LRRTM3: variants seen among roughly 807,000 people sequenced by gnomAD.
LRRTM3 encodes the protein leucine-rich repeat transmembrane neuronal protein 3.
LRRTM3 carries 24 observed loss-of-function variants against 44.7 expected under a neutral mutation model. That is an observed-to-expected ratio of 0.54 (90% CI 0.39 to 0.76). LRRTM3 has a LOEUF of 0.76. Among genes scored for constraint, LRRTM3 ranks in the 30% least tolerant of loss-of-function variants. The pLI is 0.00. For missense variants in LRRTM3, 587 were observed against 702.2 expected (o/e 0.84, Z 1.85); for synonymous variants, 277 against 278.7 (o/e 0.99, Z 0.06).
intron 2 of LRRTM3, among the ~76,000 whole-genome samples, chr10:67,091,275 T>C (rs1857615817): frequency 6.6e-6 from 1 of 151,998 alleles, no homozygotes; most frequent in Non-Finnish European, 1.5e-5. Context: ...TCATCAAGTG[T>C]ATTTTTTAGA....
At chr10:66,978,709 G>GT (rs1171293953) in intron 2 of LRRTM3, among the ~76,000 whole-genome samples, 1 of 149,794 alleles carries the variant, frequency 6.7e-6, no homozygotes, top group African/African-American at 2.4e-5. Context: ...TAAAGTTCCA[G>GT]TGAATAAATA....
intron 2 of LRRTM3, among the ~76,000 whole-genome samples, chr10:67,054,047 T>C (rs1855277390): frequency 6.6e-6 from 1 of 152,164 alleles, no homozygotes; most frequent in South Asian, 2.1e-4. Context: ...ATTCTGTCCA[T>C]CTTTGCAGAT....
chr10:66,998,385 C>T (rs1419543873), intron 2 of LRRTM3, among the ~76,000 whole-genome samples: 1 of 152,006 alleles, frequency 6.6e-6, no homozygotes, highest in East Asian at 1.9e-4. Context: ...AAAAGCATAG[C>T]ACAAAATAAA....
intron 2 of LRRTM3, among the ~76,000 whole-genome samples, chr10:67,008,018 A>G (rs909451826): frequency 6.6e-6 from 1 of 152,050 alleles, no homozygotes; most frequent in Non-Finnish European, 1.5e-5. Context: ...AATTAATCAC[A>G]GTATAAGAAC....
chr10:66,927,939 CA>C lies in LRRTM3; in HGVS notation c.1024del (p.Ser342ValfsTer8). ...TAAGGGAGAATACAATTATCTGTGC[CA>C]GTCCCAAAGAGCTGCAAGGAGTAAA... ...GLRENTIICA[S>X]PKELQGVNVI... On this transcript the variant is annotated frameshift_variant, in exon 2 of 3. Coordinates refer to ENST00000361320, the MANE Select transcript of LRRTM3 (RefSeq NM_178011.5). LOFTEE classifies it high-confidence loss of function. This position sits in a 1 kb window ranked among gnomAD's most constrained non-coding sequence, Gnocchi z 4.7. The C allele has an allele frequency of 6.2e-7, 1 of 1,614,192 alleles. No homozygotes were observed. The highest frequency in any genetic ancestry group is 2.2e-5 in the East Asian group (1 of 44,882).
chr10:66,927,042 C>A lies in LRRTM3; in HGVS notation c.126C>A (p.Gly42=). ...GCCCTAAGGGCTGTAGGTGTGAAGGCAAAATGGTATATTGTGAATCTCAGA... is the reference window on the plus strand; with the variant it reads ...GCCCTAAGGGCTGTAGGTGTGAAGGAAAAATGGTATATTGTGAATCTCAGA... The part of the protein sequence containing the change: ...RGCPKGCRCE[G]KMVYCESQKL... The change falls in exon 2 of 3, where the codon GGC becomes GGA. Residue 42 remains glycine (G), a synonymous_variant. Transcript: ENST00000361320. The surrounding 1 kb of genome is among the most constrained non-coding windows in gnomAD (Gnocchi z 4.7). 2 of 1,614,102 alleles carry A rather than the reference C, an allele frequency of 1.2e-6. No homozygotes were observed. The highest frequency in any genetic ancestry group is 2.2e-5 in the East Asian group (1 of 44,866).
intron 2 of LRRTM3, among the ~76,000 whole-genome samples, chr10:67,074,163 G>T (rs1430810663): frequency 1.3e-5 from 2 of 149,172 alleles, no homozygotes; most frequent in Admixed American, 1.4e-4. Context: ...CTCCCAAGTA[G>T]CTGGGACTAT....
intron 2 of LRRTM3, among the ~76,000 whole-genome samples, chr10:67,071,817 T>C (rs1856483539): frequency 1.3e-5 from 2 of 152,210 alleles, no homozygotes; most frequent in African/African-American, 4.8e-5. Flanking sequence ...CTTTCTATGC[T>C]TTGAGTATTT....
At chr10:67,084,079 A>C (rs4746656) in intron 2 of LRRTM3, among the ~76,000 whole-genome samples, 94,384 of 151,922 alleles carry the variant, frequency 0.62, 30,506 homozygotes, top group African/African-American at 0.81. Flanking sequence ...GTGTTTCCTT[A>C]TAAACAAGCA....
chr10:66,952,971 A>G (rs1456200286), intron 2 of LRRTM3, among the ~76,000 whole-genome samples: 28 of 152,064 alleles, frequency 1.8e-4, no homozygotes, highest in Admixed American at 1.8e-3. Flanking sequence ...GAAGACCTCC[A>G]AGTAGTTTTC....
intron 2 of LRRTM3, among the ~76,000 whole-genome samples, chr10:67,025,688 A>G (rs1853327052): frequency 6.6e-6 from 1 of 152,134 alleles, no homozygotes; most frequent in Non-Finnish European, 1.5e-5. Context: ...ATCATTACAC[A>G]ACAACAACAA....
At chr10:66,972,270 T>C (rs1298821911) in intron 2 of LRRTM3, among the ~76,000 whole-genome samples, 2 of 152,198 alleles carry the variant, frequency 1.3e-5, no homozygotes, top group African/African-American at 4.8e-5. Context: ...TTCAACTCCT[T>C]TACCCACATG....
chr10:67,024,113 T>C (rs180744855), intron 2 of LRRTM3, among the ~76,000 whole-genome samples: 191 of 152,318 alleles, frequency 1.3e-3, no homozygotes, highest in Middle Eastern at 0.01. Flanking sequence ...AGCAGGACTG[T>C]GTTCCCTCCA....
intron 2 of LRRTM3, among the ~76,000 whole-genome samples, chr10:66,946,493 G>T (rs1361580049): frequency 6.6e-6 from 1 of 152,080 alleles, no homozygotes; most frequent in East Asian, 1.9e-4. Flanking sequence ...CACAGATCAA[G>T]AAACAGAACA....
chr10:67,015,931 G>GA (rs1852628201), intron 2 of LRRTM3, among the ~76,000 whole-genome samples: 1 of 151,854 alleles, frequency 6.6e-6, no homozygotes, highest in Non-Finnish European at 1.5e-5. Context: ...TATTTGTGTT[G>GA]CTTCCAGTGT....
At chr10:67,089,256 A>G (rs957594806) in intron 2 of LRRTM3, among the ~76,000 whole-genome samples, 5 of 152,080 alleles carry the variant, frequency 3.3e-5, no homozygotes, top group African/African-American at 1.2e-4. Context: ...AAAATTAAGT[A>G]CCAGGGCCTG....
intron 2 of LRRTM3, among the ~76,000 whole-genome samples, chr10:66,955,519 T>C (rs900562584): frequency 6.6e-6 from 1 of 152,174 alleles, no homozygotes; most frequent in Admixed American, 6.6e-5. Context: ...CAGGCACTTA[T>C]CTGTTTGGCT....
chr10:67,035,058 T>C (rs1045184050), intron 2 of LRRTM3, among the ~76,000 whole-genome samples: 2 of 152,240 alleles, frequency 1.3e-5, no homozygotes, highest in South Asian at 2.1e-4. Flanking sequence ...CTGTATTTTA[T>C]GAATACTGAT....
intron 2 of LRRTM3, among the ~76,000 whole-genome samples, chr10:67,080,909 A>G (rs1196804865): frequency 2.7e-5 from 4 of 148,126 alleles, no homozygotes; most frequent in African/African-American, 5.0e-5. Context: ...ACTCTGTCTG[A>G]AAAAAAACAA....
Sources: allele counts gnomAD v4.1 joint callset (sites outside exome capture counted in the v4.1 genomes callset), GRCh38; gene constraint gnomAD v4.1.1; non-coding constraint Gnocchi (gnomAD v3.1); transcripts MANE v1.5; gene names NCBI Gene and HGNC (gene_info 2026-07-23, HGNC 2026-07-21).